The following TMTC1 variants were observed in gnomAD, a reference collection of about 807,000 sequenced individuals.
TMTC1 encodes the protein transmembrane O-mannosyltransferase targeting cadherins 1.
A neutral mutation model predicts 104.8 loss-of-function variants in TMTC1; 73 were observed. The ratio of observed to expected loss-of-function variants is 0.70; its 90% CI spans 0.58 to 0.85. TMTC1 has a LOEUF of 0.85. TMTC1 is among the 40% of genes least tolerant of loss of function. The probability of loss-of-function intolerance (pLI) is 0.00; values close to 1 mark genes in which losing one functional copy is unlikely to be tolerated. For synonymous variants in TMTC1, 434 were observed against 428.7 expected, an observed-to-expected ratio of 1.01 and a Z score of -0.15; for missense variants, 1,035 against 1,096.1, an observed-to-expected ratio of 0.94 and a Z score of 0.79.
chr12:29,784,617 C>T (rs1443882820), upstream of TMTC1: 2 of 152,276 alleles, frequency 1.3e-5, no homozygotes, highest in Admixed American at 6.5e-5. Context: ...TTTACAGCCC[C>T]TTTCTTGGCC....
chr12:29,694,618 C>T (rs1485185620), intron 5 of TMTC1, among the ~76,000 whole-genome samples: 2 of 151,790 alleles, frequency 1.3e-5, no homozygotes, highest in Admixed American at 6.6e-5. Flanking sequence ...GCTGCTGTAA[C>T]AAATGGCCAC....
intron 5 of TMTC1, chr12:29,660,881 G>A: frequency 6.7e-7 from 1 of 1,498,404 alleles, no homozygotes; most frequent in South Asian, 1.3e-5. Flanking sequence ...CTTGCTCTCA[G>A]ATACCTAAAA....
At chr12:29,557,380 G>T (rs1217261197) in intron 9 of TMTC1, among the ~76,000 whole-genome samples, 1 of 152,112 alleles carries the variant, frequency 6.6e-6, no homozygotes, top group African/African-American at 2.4e-5. Flanking sequence ...GCCTGTGCAG[G>T]GTCCACTATT....
At chr12:29,530,095 T>TA (rs972639102) in intron 11 of TMTC1, 8 of 152,208 alleles carry the variant, frequency 5.3e-5, no homozygotes, top group Non-Finnish European at 4.4e-5. Context: ...CTTCATTCTC[T>TA]ATACTTCCAG....
chr12:29,507,043 A>T (rs1943711788), intron 17 of TMTC1, 57 bp from the exon 18 acceptor site: 1 of 1,465,100 alleles, frequency 6.8e-7, no homozygotes, highest in Admixed American at 1.7e-5. Context: ...ACTCTCTCAG[A>T]GAATGAAGAG....
chr12:29,693,631 T>G (rs927493012), intron 5 of TMTC1, among the ~76,000 whole-genome samples: 1 of 151,832 alleles, frequency 6.6e-6, no homozygotes, highest in Non-Finnish European at 1.5e-5. Context: ...TAAAATGCTG[T>G]GCACTAAAAA....
At chr12:29,752,174 T>C (rs942741067) in intron 4 of TMTC1, among the ~76,000 whole-genome samples, 1 of 151,588 alleles carries the variant, frequency 6.6e-6, no homozygotes, top group Non-Finnish European at 1.5e-5. Flanking sequence ...TCTTCACCCC[T>C]CACCCTCCAA....
chr12:29,657,876 C>A (rs1411552523), intron 5 of TMTC1, among the ~76,000 whole-genome samples: 1 of 152,050 alleles, frequency 6.6e-6, no homozygotes, highest in Non-Finnish European at 1.5e-5. Flanking sequence ...GAGGCTGAGG[C>A]AGGTGGGTCA....
intron 6 of TMTC1, chr12:29,610,043 C>A (rs2209661): frequency 0.45 from 68,061 of 152,180 alleles, 15,827 homozygotes; most frequent in African/African-American, 0.55. Context: ...TCACTATTGC[C>A]CGTGGCTTCT....
chr12:29,602,826 G>A (rs142449780), intron 7 of TMTC1, among the ~76,000 whole-genome samples: 19 of 152,294 alleles, frequency 1.2e-4, no homozygotes, highest in African/African-American at 4.6e-4. Flanking sequence ...TCACTTACTT[G>A]TGTAGCACTA....
intron 5 of TMTC1, among the ~76,000 whole-genome samples, chr12:29,731,091 G>GTGAAC (rs1370222881): frequency 6.6e-6 from 1 of 152,188 alleles, no homozygotes; most frequent in Admixed American, 6.6e-5. Flanking sequence ...TTTTCTGTCA[G>GTGAAC]TGAACTCGTT....
At chr12:29,641,991 T>C (rs1938875049) in intron 5 of TMTC1, among the ~76,000 whole-genome samples, 1 of 151,982 alleles carries the variant, frequency 6.6e-6, no homozygotes, top group African/African-American at 2.4e-5. Flanking sequence ...AAGAAGAAAT[T>C]CAGAGCTCAA....
intron 5 of TMTC1, among the ~76,000 whole-genome samples, chr12:29,725,315 C>G (rs1250283909): frequency 6.6e-6 from 1 of 151,738 alleles, no homozygotes; most frequent in Non-Finnish European, 1.5e-5. Flanking sequence ...GCATGAGCCA[C>G]CACGCCTGGC....
intron 5 of TMTC1, among the ~76,000 whole-genome samples, chr12:29,664,237 T>C (rs1397071598): frequency 2.0e-5 from 3 of 150,414 alleles, no homozygotes; most frequent in African/African-American, 2.4e-5. Context: ...AAAAATAAAA[T>C]AAAATAAAAT....
chr12:29,715,308 A>G (rs1425303497), intron 5 of TMTC1, among the ~76,000 whole-genome samples: 1 of 151,996 alleles, frequency 6.6e-6, no homozygotes, highest in Non-Finnish European at 1.5e-5. Context: ...CTATAACAAG[A>G]CTCTATTCTC....
intron 5 of TMTC1, among the ~76,000 whole-genome samples, chr12:29,714,125 T>C (rs1942012190): frequency 6.6e-6 from 1 of 152,246 alleles, no homozygotes; most frequent in Non-Finnish European, 1.5e-5. Context: ...TTAATTTCTG[T>C]TCTTTATAAA....
chr12:29,649,936 G>C (rs1939437833), intron 5 of TMTC1, among the ~76,000 whole-genome samples: 1 of 152,156 alleles, frequency 6.6e-6, no homozygotes. Flanking sequence ...TTTTGTATCA[G>C]GCTCTGAGCC....
intron 12 of TMTC1, chr12:29,519,734 T>C (rs1406569791): frequency 1.3e-5 from 2 of 152,120 alleles, no homozygotes; most frequent in African/African-American, 4.8e-5. Context: ...TTCTTCTAGT[T>C]TTTATATTTT....
At chr12:29,710,082 CTAT>C (rs1941857903) in intron 5 of TMTC1, among the ~76,000 whole-genome samples, 1 of 21,894 alleles carries the variant, frequency 4.6e-5, no homozygotes. Flanking sequence ...TAATGGGTCT[CTAT>C]CTGTCTCTAG....
Sources: allele counts gnomAD v4.1 joint callset (sites outside exome capture counted in the v4.1 genomes callset), GRCh38; gene constraint gnomAD v4.1.1; transcripts MANE v1.5; gene names NCBI Gene and HGNC (gene_info 2026-07-23, HGNC 2026-07-21).